GNB4: variants seen among roughly 807,000 people sequenced by gnomAD.
The protein encoded by GNB4 is G protein subunit beta 4, also known as guanine nucleotide-binding protein subunit beta-4.
A neutral mutation model predicts 45.2 loss-of-function variants in GNB4; 28 were observed. That is an observed-to-expected ratio of 0.62 (90% CI 0.46 to 0.85). The LOEUF (loss-of-function observed/expected upper bound fraction) is 0.85, where lower values mean the gene tolerates loss of function less well. Among genes scored for constraint, GNB4 ranks in the 40% least tolerant of loss-of-function variants. GNB4 has a pLI of 0.00. For missense variants in GNB4, 321 were observed against 425.4 expected (o/e 0.75, Z 2.16); for synonymous variants, 132 against 143.7 (o/e 0.92, Z 0.58).
the GNB4 span, among the ~76,000 whole-genome samples, chr3:179,525,218 G>T: frequency 6.6e-6 from 1 of 152,138 alleles, no homozygotes; most frequent in Admixed American, 6.5e-5. Flanking sequence ...AATTCATCCA[G>T]GTCTTGTAAA....
chr3:179,474,403 T>C, the GNB4 span, among the ~76,000 whole-genome samples: 2 of 152,072 alleles, frequency 1.3e-5, no homozygotes, highest in Non-Finnish European at 2.9e-5. Context: ...ATTGTATTTT[T>C]AGTAGAGATG....
the GNB4 span, among the ~76,000 whole-genome samples, chr3:179,473,901 G>T: frequency 6.6e-6 from 1 of 152,124 alleles, no homozygotes; most frequent in Non-Finnish European, 1.5e-5. Context: ...ACTGTCTTTG[G>T]CTTGGAGGGT....
At position 179,397,897 on chromosome 3, in the gene GNB4, AT is replaced by A. The variant is rs1714168537; in HGVS notation, c.*3315del. 6.6e-6 allele frequency: 1 copy of A among 152,148 alleles called. No individual in the cohort carries two copies. The highest frequency in any genetic ancestry group is 1.5e-5 in the Non-Finnish European group (1 of 68,006). 9.4% of individuals were successfully genotyped at this position (152,148 alleles called of 1,614,324 possible). ...AGGCGCCCACCTCCACGCCCGGCTA[AT>A]TTTTGTATTTTTAGTAGAGATGGGG... On this transcript the variant is annotated 3_prime_UTR_variant, in exon 10 of 10. Coordinates refer to ENST00000232564, the MANE Select transcript of GNB4 (RefSeq NM_021629.4).
chr3:179,488,698 G>A, the GNB4 span, among the ~76,000 whole-genome samples: 2 of 151,872 alleles, frequency 1.3e-5, no homozygotes, highest in African/African-American at 4.8e-5. Flanking sequence ...TAAAATACCT[G>A]TCTTGGCCAT....
At position 179,409,819 on chromosome 3, in the gene GNB4, A is replaced by C. The variant is rs1180368476; in HGVS notation, c.699+3593T>G. 6.1e-4 allele frequency among the ~76,000 whole-genome samples: 71 copies of C among 116,114 alleles called. 1 individual carries two copies. Among genetic ancestry groups the C allele is most frequent in the African/African-American group, 2.1e-3 (61 of 28,700 alleles). 76.2% of individuals were successfully genotyped at this position (116,114 alleles called of 152,430 possible). ...GCAAGACTCTGTCTCAAAAAAAAAA[A>C]CAAAAAAACAAAACAAAAAAAAAAC... On this transcript the variant is annotated intron_variant, in intron 8 of 9. Transcript: ENST00000232564.
the GNB4 span, among the ~76,000 whole-genome samples, chr3:179,493,029 C>T: frequency 6.6e-6 from 1 of 152,184 alleles, no homozygotes; most frequent in Non-Finnish European, 1.5e-5. Context: ...TGATAGCTGC[C>T]ACACCTCATC....
the GNB4 span, among the ~76,000 whole-genome samples, chr3:179,523,220 C>T: frequency 2.6e-5 from 4 of 151,980 alleles, no homozygotes; most frequent in Admixed American, 2.0e-4. Context: ...AGAATTATAC[C>T]GAGATAGGTA....
At position 179,396,463 on chromosome 3, in the gene GNB4, A is replaced by C. The variant is rs1257603918; in HGVS notation, c.*4750T>G. Reference sequence around the variant, plus strand: ...TGTTCAGATGCTTCTTTGAAAAGAAAACAATAGGATAGAGCACCATTGTGT... The same window carrying C: ...TGTTCAGATGCTTCTTTGAAAAGAACACAATAGGATAGAGCACCATTGTGT... On this transcript the variant is annotated 3_prime_UTR_variant, in exon 10 of 10. Transcript: ENST00000232564. 1 of 152,240 alleles carries C rather than the reference A, an allele frequency of 6.6e-6. No individual in the cohort carries two copies. Among genetic ancestry groups the C allele is most frequent in the Non-Finnish European group, 1.5e-5 (1 of 68,036 alleles). 9.4% of individuals were successfully genotyped at this position (152,240 alleles called of 1,614,324 possible). A position where few individuals can be genotyped will look rare whatever the true frequency, so the allele number is the denominator to read the frequency against.
At chr3:179,521,055 G>T in the GNB4 span, among the ~76,000 whole-genome samples, 4 of 152,168 alleles carry the variant, frequency 2.6e-5, no homozygotes, top group African/African-American at 9.7e-5. Context: ...CAAACTCGGG[G>T]ATTTGCCCCA....
At chr3:179,407,541 TATA>T (rs1313050699) in intron 8 of GNB4, among the ~76,000 whole-genome samples, 5 of 152,292 alleles carry the variant, frequency 3.3e-5, no homozygotes, top group African/African-American at 9.6e-5. Flanking sequence ...TATGAAAGTT[TATA>T]AAGGTCATGG....
At chr3:179,463,536 AT>A in the GNB4 span, among the ~76,000 whole-genome samples, 7 of 152,276 alleles carry the variant, frequency 4.6e-5, no homozygotes, top group East Asian at 5.8e-4. Flanking sequence ...GGAAGACTTT[AT>A]TTTATTCACC....
At chr3:179,488,589 T>C in the GNB4 span, among the ~76,000 whole-genome samples, 1 of 152,108 alleles carries the variant, frequency 6.6e-6, no homozygotes, top group African/African-American at 2.4e-5. Flanking sequence ...AAGTTGACAA[T>C]AGGAACAATG....
At chr3:179,414,440 A>G (rs1290244746) in intron 6 of GNB4, among the ~76,000 whole-genome samples, 1 of 152,194 alleles carries the variant, frequency 6.6e-6, no homozygotes, top group African/African-American at 2.4e-5. Flanking sequence ...GATTAACACC[A>G]CTAACCCAAT....
the GNB4 span, among the ~76,000 whole-genome samples, chr3:179,526,439 G>A: frequency 6.6e-6 from 1 of 152,156 alleles, no homozygotes; most frequent in African/African-American, 2.4e-5. Flanking sequence ...CTACCCCACT[G>A]TCACTGAAGA....
rs760551965 is a variant in GNB4 at position 179,414,948 on chromosome 3, T to C, written c.367A>G (p.Ile123Val). ...ACGGLDNICS[I>V]YNLKTREGNV... ...CCCTCTCTGGTCTTTAAGTTATATA[T>C]AGAGCAGATGTTGTCCAAGCCTCCA... The change falls in exon 6 of 10, where the codon ATA becomes GTA. Residue 123 changes from isoleucine (I) to valine (V), a missense_variant. By Grantham distance (29) the Ile-to-Val change is conservative (BLOSUM62 3). Transcript: ENST00000232564. 2.4e-5 allele frequency: 39 copies of C among 1,611,694 alleles called. No homozygotes were observed. In the Admixed American group the frequency reaches 4.0e-4, roughly 17 times the overall value.
intron 4 of GNB4, among the ~76,000 whole-genome samples, chr3:179,419,173 G>C (rs1261614886): frequency 6.6e-6 from 1 of 152,150 alleles, no homozygotes; most frequent in Non-Finnish European, 1.5e-5. Context: ...GCAAAGAAAA[G>C]GAATCCTCTT....
At chr3:179,470,699 C>T in the GNB4 span, among the ~76,000 whole-genome samples, 18 of 151,762 alleles carry the variant, frequency 1.2e-4, no homozygotes, top group South Asian at 2.5e-3. Flanking sequence ...CACGTGCCAC[C>T]GCTCCAGCTA....
chr3:179,421,843 G>A (rs1714990349), intron 2 of GNB4, among the ~76,000 whole-genome samples: 1 of 152,058 alleles, frequency 6.6e-6, no homozygotes, highest in Non-Finnish European at 1.5e-5. Flanking sequence ...CCAAATTGTG[G>A]GTTTAAAGAC....
At chr3:179,440,664 T>C (rs192543213) in intron 1 of GNB4, among the ~76,000 whole-genome samples, 49 of 152,198 alleles carry the variant, frequency 3.2e-4, no homozygotes, top group African/African-American at 1.1e-3. Context: ...GGTTAATAAT[T>C]AGGGGTTATG....
Sources: allele counts gnomAD v4.1 joint callset (sites outside exome capture counted in the v4.1 genomes callset), GRCh38; gene constraint gnomAD v4.1.1; transcripts MANE v1.5; gene names NCBI Gene and HGNC (gene_info 2026-07-23, HGNC 2026-07-21).